The following MCF2L2 variants were observed in gnomAD, a reference collection of about 807,000 sequenced individuals.
The protein encoded by MCF2L2 is probable guanine nucleotide exchange factor MCF2L2.
Under a neutral mutation model 150.2 loss-of-function variants are expected in MCF2L2, and 102 were observed. That is an observed-to-expected ratio of 0.68 (90% CI 0.58 to 0.80). MCF2L2 has a LOEUF of 0.80. Ranked by LOEUF, MCF2L2 falls within the 30% of genes least tolerant of loss-of-function variation. The probability of loss-of-function intolerance (pLI) is 0.00; values close to 1 mark genes in which losing one functional copy is unlikely to be tolerated. For synonymous variants in MCF2L2, 465 were observed against 491.3 expected, an observed-to-expected ratio of 0.95 and a Z score of 0.71; for missense variants, 1,256 against 1,372.8, an observed-to-expected ratio of 0.91 and a Z score of 1.34.
chr3:183,360,129 A>C (rs1712038516), intron 3 of MCF2L2, among the ~76,000 whole-genome samples: 1 of 152,232 alleles, frequency 6.6e-6, no homozygotes, highest in Non-Finnish European at 1.5e-5. Context: ...AAAATGTGTA[A>C]TGGGCTTATT....
intron 7 of MCF2L2, among the ~76,000 whole-genome samples, chr3:183,312,766 C>T (rs1242687155): frequency 6.6e-6 from 1 of 152,202 alleles, no homozygotes; most frequent in Non-Finnish European, 1.5e-5. Flanking sequence ...CAAGCTGGTA[C>T]CTTTGTTCCT....
intron 4 of MCF2L2, among the ~76,000 whole-genome samples, chr3:183,339,670 C>T (rs1484244321): frequency 6.6e-6 from 1 of 152,180 alleles, no homozygotes; most frequent in Non-Finnish European, 1.5e-5. Context: ...TCATGTAATG[C>T]TTCGGGGCAG....
At position 183,361,774 on chromosome 3, in the gene MCF2L2, A is replaced by T. The variant is rs183212104; in HGVS notation, c.275+17523T>A. Among the ~76,000 whole-genome samples the T allele has an allele frequency of 4.2e-3, 647 of 152,294 alleles. 4 individuals carry two copies. Among genetic ancestry groups the T allele is most frequent in the Non-Finnish European group, 4.3e-3 (295 of 68,040 alleles). On this transcript the variant is annotated intron_variant, in intron 3 of 29. Coordinates refer to ENST00000328913, the MANE Select transcript of MCF2L2 (RefSeq NM_015078.4). ...TGGCATGTCTTATTATTTACTATTA[A>T]ATACTTAAGTGTGAATAAGTATAAG...
intron 5 of MCF2L2, among the ~76,000 whole-genome samples, chr3:183,323,642 A>T (rs375599886): frequency 9.9e-5 from 15 of 151,944 alleles, no homozygotes; most frequent in African/African-American, 3.1e-4. Flanking sequence ...AAAAATAAAA[A>T]AAAAAATTAG....
intron 22 of MCF2L2, among the ~76,000 whole-genome samples, chr3:183,210,201 G>C (rs1392223195): frequency 6.6e-6 from 1 of 152,176 alleles, no homozygotes; most frequent in African/African-American, 2.4e-5. Flanking sequence ...TTGAGTCCAG[G>C]AGTTTGAGGC....
chr3:183,370,372 C>T (rs1030118296), intron 3 of MCF2L2, among the ~76,000 whole-genome samples: 2 of 152,254 alleles, frequency 1.3e-5, no homozygotes, highest in African/African-American at 4.8e-5. Context: ...GGTGGGGCAT[C>T]GGGCAAGGCC....
At chr3:183,196,243 C>T (rs538093218) in intron 25 of MCF2L2, among the ~76,000 whole-genome samples, 1 of 152,292 alleles carries the variant, frequency 6.6e-6, no homozygotes, top group African/African-American at 2.4e-5. Context: ...TCCGAGAGGC[C>T]CTCTCTCTAC....
At chr3:183,223,284 G>A (rs1723210215) in intron 20 of MCF2L2, 62 bp downstream of exon 20, 1 of 1,227,246 alleles carries the variant, frequency 8.1e-7, no homozygotes, top group African/African-American at 1.5e-5. Flanking sequence ...GTAACGACAT[G>A]GGCACCACAG....
At chr3:183,281,442 C>CT (rs1446584313) in intron 14 of MCF2L2, among the ~76,000 whole-genome samples, 3 of 147,586 alleles carry the variant, frequency 2.0e-5, no homozygotes, top group Non-Finnish European at 4.4e-5. Context: ...GCAGCACATT[C>CT]ACAGATGGTT....
In MCF2L2 at chr3:183,334,693, T is replaced by G. The variant is rs932143603; in HGVS notation, c.486+4107A>C. On this transcript the variant is annotated intron_variant, in intron 5 of 29. Coordinates refer to ENST00000328913, the MANE Select transcript of MCF2L2 (RefSeq NM_015078.4). ...CTGTAATCCCAGCTACTCGGGAGGC[T>G]GAGGCAGGAGAATTGCTTGAACCTG... is the stretch of plus-strand genomic sequence containing the variant. Among the ~76,000 whole-genome samples, 3 of 150,100 alleles carry G rather than the reference T, an allele frequency of 2.0e-5. No individual in the cohort carries two copies. In the Admixed American group the frequency reaches 2.0e-4, roughly 10 times the overall value.
At chr3:183,367,764 G>A (rs1259996277) in intron 3 of MCF2L2, among the ~76,000 whole-genome samples, 3 of 152,102 alleles carry the variant, frequency 2.0e-5, no homozygotes, top group Non-Finnish European at 4.4e-5. Flanking sequence ...ACCAGTATGT[G>A]ATCTAAAAAT....
chr3:183,240,707 C>A (rs1723982877), intron 15 of MCF2L2, among the ~76,000 whole-genome samples: 1 of 152,218 alleles, frequency 6.6e-6, no homozygotes, highest in Non-Finnish European at 1.5e-5. Flanking sequence ...AAGATGGAAT[C>A]TGTAATTTTC....
At chr3:183,258,614 T>A (rs377166127) in intron 15 of MCF2L2, among the ~76,000 whole-genome samples, 2 of 152,222 alleles carry the variant, frequency 1.3e-5, no homozygotes, top group African/African-American at 4.8e-5. Context: ...TCCCTCAGTA[T>A]CCTTGGGGAA....
intron 1 of MCF2L2, among the ~76,000 whole-genome samples, chr3:183,407,795 T>C (rs78206160): frequency 6.6e-6 from 1 of 152,132 alleles, no homozygotes; most frequent in Non-Finnish European, 1.5e-5. Context: ...GCTAGAGGTA[T>C]AAATATTGCA....
chr3:183,186,576 A>G (rs1031122109), intron 27 of MCF2L2, among the ~76,000 whole-genome samples: 1 of 152,146 alleles, frequency 6.6e-6, no homozygotes, highest in Non-Finnish European at 1.5e-5. Context: ...AAAACACAAA[A>G]ATTAGCGAGG....
chr3:183,268,169 G>A (rs995114763), intron 15 of MCF2L2, among the ~76,000 whole-genome samples: 1 of 152,236 alleles, frequency 6.6e-6, no homozygotes, highest in Non-Finnish European at 1.5e-5. Context: ...CAGGGCATAT[G>A]AAATGGCAAG....
At chr3:183,341,685 T>A in intron 3 of MCF2L2, 55 bp from the exon 4 acceptor site, 1 of 1,241,766 alleles carries the variant, frequency 8.1e-7, no homozygotes, top group Non-Finnish European at 1.2e-6. Flanking sequence ...ATGCTCCATG[T>A]GGCTCCCACA....
At chr3:183,405,298 T>C (rs1560061128) in intron 1 of MCF2L2, among the ~76,000 whole-genome samples, 1 of 152,200 alleles carries the variant, frequency 6.6e-6, no homozygotes, top group Non-Finnish European at 1.5e-5. Flanking sequence ...ACAATGAGCA[T>C]GTATTATTTT....
At chr3:183,262,290 C>T (rs1725682285) in intron 15 of MCF2L2, among the ~76,000 whole-genome samples, 1 of 151,686 alleles carries the variant, frequency 6.6e-6, no homozygotes. Context: ...ACTAAGAATG[C>T]AGACATGTCC....
Sources: gnomAD v4.1 joint callset for allele counts (sites outside exome capture counted in the v4.1 genomes callset) on GRCh38, gnomAD v4.1.1 for gene constraint, MANE v1.5 for transcripts, NCBI Gene and HGNC (gene_info 2026-07-23, HGNC 2026-07-21) for gene names.